Variants in RERG observed in about 807,000 individuals in gnomAD.
RERG encodes the protein ras-related and estrogen-regulated growth inhibitor.
RERG carries 25 observed loss-of-function variants against 23.2 expected under a neutral mutation model. The observed-to-expected ratio is 1.08, with a 90% CI of 0.79 to 1.50. The LOEUF is 1.50. Ranked by LOEUF, RERG falls within the 40% of genes most tolerant of loss-of-function variation. RERG has a pLI of 0.00. For synonymous variants in RERG, 81 were observed against 89.1 expected (o/e 0.91, Z 0.51); for missense variants, 253 against 250.1 (o/e 1.01, Z -0.08).
At chr12:15,126,846 T>C (rs10772838) in intron 2 of RERG, among the ~76,000 whole-genome samples, 104,092 of 150,888 alleles carry the variant, frequency 0.69, 36,103 homozygotes, top group Admixed American at 0.75. Flanking sequence ...GCCTCCCCAG[T>C]AGCTGGGACT....
chr12:15,154,667 G>A (rs1864495708), intron 2 of RERG, among the ~76,000 whole-genome samples: 1 of 152,132 alleles, frequency 6.6e-6, no homozygotes, highest in South Asian at 2.1e-4. Flanking sequence ...TACATTATGT[G>A]GCAGCTCGTT....
At chr12:15,119,415 C>T (rs1863791693) in intron 3 of RERG, among the ~76,000 whole-genome samples, 1 of 151,918 alleles carries the variant, frequency 6.6e-6, no homozygotes, top group Non-Finnish European at 1.5e-5. Context: ...TTTTTATAAG[C>T]TTCATCTTTC....
At chr12:15,139,329 T>G (rs1446592586) in intron 2 of RERG, among the ~76,000 whole-genome samples, 1 of 152,088 alleles carries the variant, frequency 6.6e-6, no homozygotes, top group Non-Finnish European at 1.5e-5. Context: ...CCATATAAAT[T>G]TTAGAAACAG....
At chr12:15,154,873 T>G (rs1415374696) in intron 2 of RERG, among the ~76,000 whole-genome samples, 6 of 152,238 alleles carry the variant, frequency 3.9e-5, no homozygotes, top group Non-Finnish European at 2.9e-5. Flanking sequence ...TAATATTTGA[T>G]GGAGGAGCTT....
chr12:15,133,316 G>A (rs1185431571), intron 2 of RERG, among the ~76,000 whole-genome samples: 1 of 151,760 alleles, frequency 6.6e-6, no homozygotes, highest in Admixed American at 6.6e-5. Flanking sequence ...GCCTTTTCCA[G>A]AATGTCATAT....
At chr12:15,156,342 C>T (rs756422935) in intron 2 of RERG, among the ~76,000 whole-genome samples, 56 of 152,142 alleles carry the variant, frequency 3.7e-4, no homozygotes, top group African/African-American at 6.8e-4. Flanking sequence ...AGTTCACAGA[C>T]CCCCTGAAAT....
Position 15,217,479 on chromosome 12 carries a change from C to T in RERG, c.11G>A (p.Ser4Asn), listed in dbSNP as rs1442169745. The stretch of plus-strand genomic sequence containing the variant: ...AAATATTGCCAGTTTGACCTCCGCA[C>T]TTTTAGCCATGATGGGTGTTGGTAG... The part of the protein sequence containing the change: MAK[S>N]AEVKLAIFGR... The change falls in exon 2 of 5, where the codon AGT (serine) becomes AAT (asparagine). Residue 4 changes from serine (S) to asparagine (N), a missense_variant. By Grantham distance (46) the Ser-to-Asn change is conservative. Coordinates refer to ENST00000256953, the MANE Select transcript of RERG (RefSeq NM_032918.3). The T allele has an allele frequency of 6.2e-7, 1 of 1,613,020 alleles. No individual in the cohort carries two copies. The highest frequency in any genetic ancestry group is 2.2e-5 in the East Asian group (1 of 44,866).
chr12:15,208,879 G>A (rs1351074930), intron 2 of RERG, among the ~76,000 whole-genome samples: 6 of 151,870 alleles, frequency 4.0e-5, no homozygotes, highest in Admixed American at 1.3e-4. Context: ...TCTCTGATAA[G>A]GCGTAAGTCT....
chr12:15,161,189 A>AGAAG (rs1864605154), intron 2 of RERG, among the ~76,000 whole-genome samples: 1 of 149,612 alleles, frequency 6.7e-6, no homozygotes, highest in Non-Finnish European at 1.5e-5. Flanking sequence ...AAAGAAAGAA[A>AGAAG]GAAAGAAAGA....
chr12:15,132,836 G>A (rs890624328), intron 2 of RERG, among the ~76,000 whole-genome samples: 1 of 151,848 alleles, frequency 6.6e-6, no homozygotes. Context: ...TTTGCTATCC[G>A]TGTATCTTCT....
chr12:15,219,978 A>ATTTTATGTTTAT (rs1178149851), intron 1 of RERG, among the ~76,000 whole-genome samples: 2 of 152,320 alleles, frequency 1.3e-5, no homozygotes, highest in Admixed American at 1.3e-4. Flanking sequence ...TGTCAACCTA[A>ATTTTATGTTTAT]TTTTATGTTT....
intron 2 of RERG, among the ~76,000 whole-genome samples, chr12:15,160,651 A>G (rs995553044): frequency 2.0e-5 from 3 of 152,214 alleles, no homozygotes; most frequent in Non-Finnish European, 4.4e-5. Context: ...AAAAATAATT[A>G]TATTAATTAT....
At chr12:15,142,390 A>G (rs1219185761) in intron 2 of RERG, among the ~76,000 whole-genome samples, 1 of 152,226 alleles carries the variant, frequency 6.6e-6, no homozygotes, top group African/African-American at 2.4e-5. Context: ...ACATGGGTAC[A>G]GGTCAATGTT....
chr12:15,109,023 A>C lies in RERG; in HGVS notation c.*87T>G. On this transcript the variant is annotated 3_prime_UTR_variant, in exon 5 of 5. Transcript: ENST00000256953. The stretch of plus-strand genomic sequence containing the variant: ...CCAGACATTTCTCAGAATCCAAACA[A>C]AGAATGCAATATTTTGTTTTATTTT... 1 of 1,298,564 alleles carries C rather than the reference A, an allele frequency of 7.7e-7. No individual in the cohort carries two copies. 80.4% of individuals were successfully genotyped at this position (1,298,564 alleles called of 1,614,324 possible).
intron 2 of RERG, among the ~76,000 whole-genome samples, chr12:15,150,801 C>G (rs1334125657): frequency 6.6e-6 from 1 of 152,092 alleles, no homozygotes; most frequent in Non-Finnish European, 1.5e-5. Context: ...AAGAATAAAT[C>G]CTGGCAGAGA....
Position 15,109,469 on chromosome 12 carries a change from C to T in RERG, c.241G>A (p.Val81Met), listed in dbSNP as rs767178636. Reference protein sequence around the residue: ...EGHMRWGEGFVLVYDITDRGS... With the variant: ...EGHMRWGEGFMLVYDITDRGS... ...CGGTCAGTAATGTCGTAGACCAGCA[C>T]AAAGCCTTCCCCCCATCGCATGTGC... Residue 81 changes from valine (V) to methionine (M), a missense_variant, in exon 5 of 5, where the codon GTG (valine) becomes ATG (methionine). Physicochemically the swap from Val to Met is conservative, Grantham distance 21. Transcript: ENST00000256953. 1 of 1,613,336 alleles carries T rather than the reference C, an allele frequency of 6.2e-7. No homozygotes were observed. The highest frequency in any genetic ancestry group is 1.1e-5 in the South Asian group (1 of 90,956).
At chr12:15,179,933 T>C (rs11056390) in intron 2 of RERG, among the ~76,000 whole-genome samples, 70,496 of 151,940 alleles carry the variant, frequency 0.46, 17,153 homozygotes, top group African/African-American at 0.62. Context: ...CCACATCATC[T>C]GGGTCAGGGG....
chr12:15,120,885 C>G (rs1052119711), intron 3 of RERG, among the ~76,000 whole-genome samples, 178 bp downstream of exon 3: 6 of 152,178 alleles, frequency 3.9e-5, no homozygotes, highest in African/African-American at 1.4e-4. Flanking sequence ...CTGCAGGGTT[C>G]TAAGCACAGA....
intron 2 of RERG, among the ~76,000 whole-genome samples, chr12:15,175,847 G>A (rs1458190613): frequency 3.3e-5 from 5 of 152,048 alleles, no homozygotes; most frequent in African/African-American, 1.2e-4. Context: ...CATCTACCCC[G>A]CCAGTGGCTG....
Sources: allele counts gnomAD v4.1 joint callset (sites outside exome capture counted in the v4.1 genomes callset), GRCh38; gene constraint gnomAD v4.1.1; transcripts MANE v1.5; gene names NCBI Gene and HGNC (gene_info 2026-07-23, HGNC 2026-07-21).